Variants in LLPH observed in about 807,000 individuals in gnomAD.
The protein encoded by LLPH is LLP homolog, long-term synaptic facilitation factor.
In LLPH, 5 loss-of-function variants were observed where a neutral mutation model predicts 13.3. That is an observed-to-expected ratio of 0.38 (90% CI 0.20 to 0.79). The LOEUF (loss-of-function observed/expected upper bound fraction) is 0.79, where lower values mean the gene tolerates loss of function less well. Ranked by LOEUF, LLPH falls within the 30% of genes least tolerant of loss-of-function variation. The probability of loss-of-function intolerance (pLI) is 0.45; values close to 1 mark genes in which losing one functional copy is unlikely to be tolerated. For synonymous variants in LLPH, 32 were observed against 44.2 expected (o/e 0.72, Z 1.09); for missense variants, 129 against 152.1 (o/e 0.85, Z 0.80).
chr12:66,127,094 G>A (rs1427964641), intron 2 of LLPH, among the ~76,000 whole-genome samples: 2 of 152,180 alleles, frequency 1.3e-5, no homozygotes, highest in Admixed American at 1.3e-4. Context: ...AGGATGTGAA[G>A]AAACTCAAAT....
At chr12:66,125,974 C>T (rs2051493665) in intron 2 of LLPH, among the ~76,000 whole-genome samples, 1 of 152,068 alleles carries the variant, frequency 6.6e-6, no homozygotes, top group Non-Finnish European at 1.5e-5. Context: ...CCATTAAGAA[C>T]ACAGAGTTGA....
At chr12:66,130,346 GTTGAACGAACCACTAACATTT>G (rs1157969882) in intron 1 of LLPH, 24 of 152,308 alleles carry the variant, frequency 1.6e-4, no homozygotes, top group African/African-American at 5.5e-4. Context: ...TTGCATACTT[GTTGAACGAACCACTAACATTT>G]TTTGAACGCC....
Position 66,118,583 on chromosome 12 carries a change from A to G in LLPH, c.*5257T>C, listed in dbSNP as rs949137916. On this transcript the variant is annotated 3_prime_UTR_variant, in exon 3 of 3. Coordinates refer to ENST00000266604, the MANE Select transcript of LLPH (RefSeq NM_032338.4). Reference sequence around the variant, plus strand: ...TTCCCATTGTGATACAATTGCCTACAGTACTCAGTACAGTAACTTGCTTGA... The same window carrying G: ...TTCCCATTGTGATACAATTGCCTACGGTACTCAGTACAGTAACTTGCTTGA... 1 of 152,160 alleles carries G rather than the reference A, an allele frequency of 6.6e-6. No individual in the cohort carries two copies. Among genetic ancestry groups the G allele is most frequent in the African/African-American group, 2.4e-5 (1 of 41,432 alleles). 9.4% of individuals were successfully genotyped at this position (152,160 alleles called of 1,614,324 possible).
chr12:66,125,826 A>G (rs981812869), intron 2 of LLPH, among the ~76,000 whole-genome samples: 6 of 149,880 alleles, frequency 4.0e-5, no homozygotes, highest in African/African-American at 1.4e-4. Flanking sequence ...AAAAGCTTCT[A>G]ATATGAAAGA....
rs1280581519 is a variant in LLPH, at chr12:66,116,598, T to C, written c.*7242A>G. 6.6e-6 allele frequency: 1 copy of C among 152,234 alleles called. No homozygotes were observed. Among genetic ancestry groups the C allele is most frequent in the Non-Finnish European group, 1.5e-5 (1 of 68,048 alleles). 9.4% of individuals were successfully genotyped at this position (152,234 alleles called of 1,614,324 possible). ...TATTACATGGATCAGAAATACCACATGTACTAACAGTTGCTGTACAATGAT... is the reference window on the plus strand; with the variant it reads ...TATTACATGGATCAGAAATACCACACGTACTAACAGTTGCTGTACAATGAT... On this transcript the variant is annotated 3_prime_UTR_variant, in exon 3 of 3. Coordinates refer to ENST00000266604, the MANE Select transcript of LLPH (RefSeq NM_032338.4).
At chr12:66,125,393 C>T (rs1026941241) in intron 2 of LLPH, among the ~76,000 whole-genome samples, 1 of 152,080 alleles carries the variant, frequency 6.6e-6, no homozygotes, top group Non-Finnish European at 1.5e-5. Context: ...AGGATGACTA[C>T]TAGGTTTATG....
intron 2 of LLPH, among the ~76,000 whole-genome samples, chr12:66,127,294 T>C (rs1447693941): frequency 6.6e-6 from 1 of 152,190 alleles, no homozygotes; most frequent in African/African-American, 2.4e-5. Flanking sequence ...TGAATGGATA[T>C]GAAACGTGGT....
At position 66,118,873 on chromosome 12, in the gene LLPH, G is replaced by A. The variant is rs998313300; in HGVS notation, c.*4967C>T. On this transcript the variant is annotated 3_prime_UTR_variant, in exon 3 of 3. Coordinates refer to ENST00000266604, the MANE Select transcript of LLPH (RefSeq NM_032338.4). ...GGATTTTGGTATCTGTGAAGATCCT[G>A]GCACCAATCCCCGATAGATTCTGAA... The A allele has an allele frequency of 6.6e-6, 1 of 152,092 alleles. No homozygotes were observed. Among genetic ancestry groups the A allele is most frequent in the African/African-American group, 2.4e-5 (1 of 41,396 alleles). 9.4% of individuals were successfully genotyped at this position (152,092 alleles called of 1,614,324 possible). A position where few individuals can be genotyped will look rare whatever the true frequency, so the allele number is the denominator to read the frequency against.
rs1433822458 is a variant in LLPH, at chr12:66,119,229, A to G, written c.*4611T>C. On this transcript the variant is annotated 3_prime_UTR_variant, in exon 3 of 3. Coordinates refer to ENST00000266604, the MANE Select transcript of LLPH (RefSeq NM_032338.4). ...GTGTTTTAAAGATTAAATAATATAC[A>G]TAAAGCATTTAAGAGAGTACGCATT... The G allele has an allele frequency of 6.6e-6, 1 of 152,248 alleles. No homozygotes were observed. Among genetic ancestry groups the G allele is most frequent in the Non-Finnish European group, 1.5e-5 (1 of 68,044 alleles). 9.4% of individuals were successfully genotyped at this position (152,248 alleles called of 1,614,324 possible). A position where few individuals can be genotyped will look rare whatever the true frequency, so the allele number is the denominator to read the frequency against.
intron 2 of LLPH, among the ~76,000 whole-genome samples, chr12:66,124,251 G>T (rs2051482711): frequency 6.6e-6 from 1 of 152,158 alleles, no homozygotes; most frequent in African/African-American, 2.4e-5. Flanking sequence ...TAGATATATG[G>T]TTCTGAGCAC....
chr12:66,129,175 A>T (rs2051517460), intron 1 of LLPH, 62 bp from the exon 2 acceptor site: 1 of 1,128,506 alleles, frequency 8.9e-7, no homozygotes, highest in African/African-American at 1.6e-5. Flanking sequence ...AAAACAGGCA[A>T]ATCCTTAGAA....
rs990001752 is a variant in LLPH, at chr12:66,130,720, C to A, written c.-23G>T. The A allele has an allele frequency of 6.6e-6, 1 of 152,304 alleles. No homozygotes were observed. Among genetic ancestry groups the A allele is most frequent in the Non-Finnish European group, 1.5e-5 (1 of 68,068 alleles). The allele number at this position is 152,304 out of a possible 1,614,324, so 9.4% of individuals were successfully genotyped here. A position where few individuals can be genotyped will look rare whatever the true frequency, so the allele number is the denominator to read the frequency against. ...CCGAACTCACCTGAGAAACGAACACCCACACCTCACGCTCACGCCGACCGG... is the reference window on the plus strand; with the variant it reads ...CCGAACTCACCTGAGAAACGAACACACACACCTCACGCTCACGCCGACCGG... On this transcript the variant is annotated 5_prime_UTR_variant, in exon 1 of 3. Transcript: ENST00000266604.
chr12:66,127,505 G>C (rs2051504596), intron 2 of LLPH, among the ~76,000 whole-genome samples: 1 of 149,880 alleles, frequency 6.7e-6, no homozygotes, highest in Non-Finnish European at 1.5e-5. Context: ...GCCAGAGGCT[G>C]GGGGTAGGAG....
intron 2 of LLPH, among the ~76,000 whole-genome samples, chr12:66,128,667 A>AT (rs979891498): frequency 4.6e-5 from 7 of 151,886 alleles, no homozygotes; most frequent in Admixed American, 2.0e-4. Context: ...GCTTGACAGA[A>AT]TTTTTTTTGT....
Position 66,123,179 on chromosome 12 carries a change from G to A in LLPH, c.*661C>T, listed in dbSNP as rs994608985. 3 of 151,230 alleles carry A rather than the reference G, an allele frequency of 2.0e-5. No individual in the cohort carries two copies. The highest frequency in any genetic ancestry group is 7.3e-5 in the African/African-American group (3 of 41,028). 9.4% of individuals were successfully genotyped at this position (151,230 alleles called of 1,614,324 possible). Reference sequence around the variant, plus strand: ...AGAGTCCTACTCCATTGCCCAGGGTGGAGTGCAGTGGGGCAATCTTGGCTC... The same window carrying A: ...AGAGTCCTACTCCATTGCCCAGGGTAGAGTGCAGTGGGGCAATCTTGGCTC... On this transcript the variant is annotated 3_prime_UTR_variant, in exon 3 of 3. Coordinates refer to ENST00000266604, the MANE Select transcript of LLPH (RefSeq NM_032338.4).
At chr12:66,128,691 G>A (rs1448390300) in intron 2 of LLPH, among the ~76,000 whole-genome samples, 2 of 151,632 alleles carry the variant, frequency 1.3e-5, no homozygotes, top group Admixed American at 6.6e-5. Flanking sequence ...TAAATGAAGC[G>A]CAGAGGGGCT....
At chr12:66,127,480 A>G (rs921166814) in intron 2 of LLPH, among the ~76,000 whole-genome samples, 6 of 152,040 alleles carry the variant, frequency 3.9e-5, no homozygotes, top group Non-Finnish European at 8.8e-5. Context: ...ACATGAAAAG[A>G]GCATATTAGT....
rs2051464135 is a variant in LLPH, at chr12:66,121,727, T to C, written c.*2113A>G. On this transcript the variant is annotated 3_prime_UTR_variant, in exon 3 of 3. Transcript: ENST00000266604. The stretch of plus-strand genomic sequence containing the variant: ...TGGCGAAACCCTGTCTCTACAAAAA[T>C]ACAAAAATTAGCTGGGCGTGGTGGC... The C allele has an allele frequency of 6.6e-6, 1 of 151,276 alleles. No homozygotes were observed. The highest frequency in any genetic ancestry group is 1.5e-5 in the Non-Finnish European group (1 of 67,894). 9.4% of individuals were successfully genotyped at this position (151,276 alleles called of 1,614,324 possible). A position where few individuals can be genotyped will look rare whatever the true frequency, so the allele number is the denominator to read the frequency against.
rs1031326298 is a variant in LLPH at position 66,120,351 on chromosome 12, T to C, written c.*3489A>G. On this transcript the variant is annotated 3_prime_UTR_variant, in exon 3 of 3. Transcript: ENST00000266604. ...CACATCCTTGAGAGGCAGAATGGCATTGTAAGAGTATAGGCTCTAGAGCCA... is the reference window on the plus strand; with the variant it reads ...CACATCCTTGAGAGGCAGAATGGCACTGTAAGAGTATAGGCTCTAGAGCCA... 6.6e-6 allele frequency: 1 copy of C among 152,214 alleles called. No homozygotes were observed. Among genetic ancestry groups the C allele is most frequent in the African/African-American group, 2.4e-5 (1 of 41,462 alleles). 9.4% of individuals were successfully genotyped at this position (152,214 alleles called of 1,614,324 possible). A position where few individuals can be genotyped will look rare whatever the true frequency, so the allele number is the denominator to read the frequency against.
Sources: allele counts gnomAD v4.1 joint callset (sites outside exome capture counted in the v4.1 genomes callset), GRCh38; gene constraint gnomAD v4.1.1; transcripts MANE v1.5; gene names NCBI Gene and HGNC (gene_info 2026-07-23, HGNC 2026-07-21).